Variants in ASIC2 observed in about 807,000 individuals in gnomAD.
ASIC2 encodes acid sensing ion channel subunit 2.
A neutral mutation model predicts 57.3 loss-of-function variants in ASIC2; 25 were observed. The observed-to-expected ratio is 0.44, with a 90% CI of 0.32 to 0.61. ASIC2 has a LOEUF of 0.61. Among genes scored for constraint, ASIC2 ranks in the 20% least tolerant of loss-of-function variants. ASIC2 has a pLI of 0.06. For synonymous variants in ASIC2, 319 were observed against 307.5 expected (o/e 1.04, Z -0.39); for missense variants, 641 against 738.1 (o/e 0.87, Z 1.52).
At chr17:34,111,700 C>G (rs1440039886) in intron 1 of ASIC2, among the ~76,000 whole-genome samples, 1 of 152,180 alleles carries the variant, frequency 6.6e-6, no homozygotes, top group Non-Finnish European at 1.5e-5. Flanking sequence ...CAGTCTGATT[C>G]CAATCCCGTT....
At chr17:33,030,627 C>T (rs546510901) in intron 3 of ASIC2, among the ~76,000 whole-genome samples, 3 of 152,090 alleles carry the variant, frequency 2.0e-5, no homozygotes, top group Non-Finnish European at 4.4e-5. Context: ...CATTATTACA[C>T]CATAATATAT....
intron 1 of ASIC2, among the ~76,000 whole-genome samples, chr17:33,586,118 T>G (rs1904621477): frequency 6.6e-6 from 1 of 152,182 alleles, no homozygotes; most frequent in African/African-American, 2.4e-5. Context: ...CTGTGTGAGC[T>G]GGCAAAGAAG....
chr17:33,666,847 G>A (rs1001134173), intron 1 of ASIC2, among the ~76,000 whole-genome samples: 3 of 152,202 alleles, frequency 2.0e-5, no homozygotes, highest in South Asian at 4.2e-4. Flanking sequence ...CTGTGGTTTG[G>A]GTTGCCAGAT....
intron 1 of ASIC2, among the ~76,000 whole-genome samples, chr17:33,491,762 T>G (rs1266924504): frequency 6.6e-6 from 1 of 152,196 alleles, no homozygotes; most frequent in Non-Finnish European, 1.5e-5. Flanking sequence ...CTAGAGGGTC[T>G]CTGTCTGATG....
intron 1 of ASIC2, among the ~76,000 whole-genome samples, chr17:33,173,005 A>C (rs1905586800): frequency 6.6e-6 from 1 of 152,184 alleles, no homozygotes; most frequent in South Asian, 2.1e-4. Flanking sequence ...CAGTTTGGTC[A>C]CAGTTTTCTT....
Position 33,385,840 on chromosome 17 carries a change from G to T in ASIC2, c.556-273773C>A, listed in dbSNP as rs1909655978. Among the ~76,000 whole-genome samples, 5 of 152,204 alleles carry T rather than the reference G, an allele frequency of 3.3e-5. No individual in the cohort carries two copies. The South Asian group carries it at 1.0e-3, about 31-fold the overall frequency. Reference sequence around the variant, plus strand: ...GAATGGGCAGAGGAATCCCTGTCTGGAGGCCAGGTGATAACTGTGAGGAGG... The same window carrying T: ...GAATGGGCAGAGGAATCCCTGTCTGTAGGCCAGGTGATAACTGTGAGGAGG... On this transcript the variant is annotated intron_variant, in intron 1 of 9. Coordinates refer to the ASIC2 transcript ENST00000359872.
chr17:33,171,108 A>C (rs140121111), intron 1 of ASIC2, among the ~76,000 whole-genome samples: 30 of 152,270 alleles, frequency 2.0e-4, no homozygotes, highest in Non-Finnish European at 4.3e-4. Flanking sequence ...TTGATGCATC[A>C]CCTCTGTGAG....
chr17:33,337,176 C>G (rs1253089519), intron 1 of ASIC2, among the ~76,000 whole-genome samples: 1 of 152,092 alleles, frequency 6.6e-6, no homozygotes, highest in Non-Finnish European at 1.5e-5. Flanking sequence ...CACTGGCACT[C>G]CAGTGAGGTA....
At chr17:33,575,208 T>C (rs1463892615) in intron 1 of ASIC2, among the ~76,000 whole-genome samples, 1 of 152,198 alleles carries the variant, frequency 6.6e-6, no homozygotes, top group Non-Finnish European at 1.5e-5. Flanking sequence ...GATTCATCTC[T>C]GAATCTCCAC....
intron 1 of ASIC2, among the ~76,000 whole-genome samples, chr17:33,803,461 T>G (rs932427333): frequency 4.6e-5 from 7 of 151,928 alleles, no homozygotes; most frequent in African/African-American, 1.7e-4. Flanking sequence ...ACCCTAAGAG[T>G]GTACCCCAGG....
At chr17:33,691,027 G>A (rs1447705893) in intron 1 of ASIC2, among the ~76,000 whole-genome samples, 1 of 152,010 alleles carries the variant, frequency 6.6e-6, no homozygotes, top group East Asian at 1.9e-4. Flanking sequence ...GGGATTACAG[G>A]CGTGAAACAC....
At chr17:34,052,384 T>C (rs924674802) in intron 1 of ASIC2, among the ~76,000 whole-genome samples, 8 of 152,178 alleles carry the variant, frequency 5.3e-5, no homozygotes, top group African/African-American at 7.2e-5. Context: ...GACTGGGATA[T>C]ATTGCCACCG....
chr17:33,205,576 G>A (rs551369322), intron 1 of ASIC2, among the ~76,000 whole-genome samples: 19 of 152,198 alleles, frequency 1.2e-4, no homozygotes, highest in Non-Finnish European at 2.2e-4. Context: ...TTTTTTGGTT[G>A]TAGGTATAAT....
chr17:33,988,871 A>AGCAG (rs1905912766), intron 1 of ASIC2, among the ~76,000 whole-genome samples: 1 of 152,072 alleles, frequency 6.6e-6, no homozygotes, highest in African/African-American at 2.4e-5. Flanking sequence ...CCTTGCCCAG[A>AGCAG]GCAGGGGCAA....
intron 8 of ASIC2, among the ~76,000 whole-genome samples, 181 bp from the exon 9 acceptor site, chr17:33,016,220 G>A (rs577780157): frequency 6.6e-6 from 1 of 152,320 alleles, no homozygotes; most frequent in Admixed American, 6.5e-5. Flanking sequence ...CAGCCTTTTG[G>A]CTGAAATGGG....
At chr17:33,800,578 G>A (rs932383419) in intron 1 of ASIC2, among the ~76,000 whole-genome samples, 2 of 152,100 alleles carry the variant, frequency 1.3e-5, no homozygotes, top group African/African-American at 4.8e-5. Context: ...TAATAATCAA[G>A]GGGTAGTTGT....
intron 1 of ASIC2, among the ~76,000 whole-genome samples, chr17:33,404,476 A>T (rs1395136626): frequency 6.6e-6 from 1 of 152,246 alleles, no homozygotes; most frequent in Admixed American, 6.5e-5. Context: ...CCTCCAGATT[A>T]GTTTGCTTTT....
rs780696218 is a variant in ASIC2, at chr17:33,758,190, ATG to A, written c.555+397786_555+397787del. ...CTTAAATGTGTGTGTGTGTGTATATATGTGTGTGTAGGTACTGTATATGTAAC... is the reference window on the plus strand; with the variant it reads ...CTTAAATGTGTGTGTGTGTGTATATATGTGTGTAGGTACTGTATATGTAAC... On this transcript the variant is annotated intron_variant, in intron 1 of 9. Transcript: ENST00000359872. Among the ~76,000 whole-genome samples, 292 of 152,190 alleles carry A rather than the reference ATG, an allele frequency of 1.9e-3. 1 individual carries two copies. The highest frequency in any genetic ancestry group is 6.8e-3 in the Middle Eastern group (2 of 294).
At chr17:33,972,043 T>C (rs1360035688) in intron 1 of ASIC2, among the ~76,000 whole-genome samples, 2 of 152,214 alleles carry the variant, frequency 1.3e-5, no homozygotes, top group Non-Finnish European at 2.9e-5. Context: ...GGGGGATTAA[T>C]GGTATCACCA....
Sources: allele counts gnomAD v4.1 joint callset (sites outside exome capture counted in the v4.1 genomes callset), GRCh38; gene constraint gnomAD v4.1.1; transcripts MANE v1.5; gene names NCBI Gene and HGNC (gene_info 2026-07-23, HGNC 2026-07-21).